The following NFIB variants were observed in gnomAD, a reference collection of about 807,000 sequenced individuals.
The protein encoded by NFIB is nuclear factor I B.
NFIB carries 11 observed loss-of-function variants against 61.5 expected under a neutral mutation model. That is an observed-to-expected ratio of 0.18 (90% confidence interval 0.11 to 0.30). The LOEUF (loss-of-function observed/expected upper bound fraction) is 0.30. NFIB is among the 10% of genes least tolerant of loss of function. The pLI, the probability that NFIB is intolerant of heterozygous loss-of-function variation, is 1.00. For synonymous variants in NFIB, 260 were observed against 216.5 expected, an observed-to-expected ratio of 1.20 and a Z score of -1.76; for missense variants, 471 against 608.9, an observed-to-expected ratio of 0.77 and a Z score of 2.38.
At chr9:14,317,359 G>C (rs979922012), upstream of NFIB, 2 of 152,286 alleles carry the variant, frequency 1.3e-5, no homozygotes, top group Non-Finnish European at 2.9e-5. Context: ...AGACCCCAGA[G>C]AAGTGAAGAC....
intron 1 of NFIB, among the ~76,000 whole-genome samples, chr9:14,342,114 A>G (rs1019271099): frequency 2.0e-5 from 3 of 152,142 alleles, no homozygotes; most frequent in African/African-American, 7.2e-5. Context: ...CCGAGAGCAA[A>G]AGCTCTCTGG....
At chr9:14,332,161 C>G (rs1182415205) in intron 1 of NFIB, among the ~76,000 whole-genome samples, 1 of 151,726 alleles carries the variant, frequency 6.6e-6, no homozygotes, top group Non-Finnish European at 1.5e-5. Flanking sequence ...GGTGAAACCC[C>G]GTCTCTACTA....
At chr9:14,217,187 A>C (rs1343528303) in intron 2 of NFIB, among the ~76,000 whole-genome samples, 1 of 152,200 alleles carries the variant, frequency 6.6e-6, no homozygotes, top group Non-Finnish European at 1.5e-5. Context: ...CCAGATAATA[A>C]CTTTTTCCCA....
chr9:14,309,533 G>C (rs965493074), intron 1 of NFIB, among the ~76,000 whole-genome samples: 2 of 152,166 alleles, frequency 1.3e-5, no homozygotes, highest in African/African-American at 4.8e-5. Flanking sequence ...GCAGAGATTT[G>C]AACAATTCAG....
intron 2 of NFIB, among the ~76,000 whole-genome samples, chr9:14,191,519 G>A (rs2047946624): frequency 6.6e-6 from 1 of 152,040 alleles, no homozygotes; most frequent in South Asian, 2.1e-4. Context: ...CTGGTGCAGA[G>A]CTATGTACCA....
At chr9:14,314,766 T>A (rs2132771981), upstream of NFIB, among the ~76,000 whole-genome samples, 1 of 131,270 alleles carries the variant, frequency 7.6e-6, no homozygotes, top group East Asian at 2.5e-4. Context: ...GTTAAAGGTA[T>A]CCTACCGGTG....
At chr9:14,395,041 GT>G (rs1217458871) in intron 1 of NFIB, among the ~76,000 whole-genome samples, 1 of 152,120 alleles carries the variant, frequency 6.6e-6, no homozygotes, top group African/African-American at 2.4e-5. Flanking sequence ...GGTAGGACCA[GT>G]TTTTTCTCTT....
intron 3 of NFIB, among the ~76,000 whole-genome samples, chr9:14,165,095 A>G (rs1389098980): frequency 6.6e-6 from 1 of 152,146 alleles, no homozygotes; most frequent in Non-Finnish European, 1.5e-5. Context: ...AAAATTTGAC[A>G]ATCCTAGAAC....
the NFIB span, among the ~76,000 whole-genome samples, chr9:14,462,350 T>C: frequency 3.4e-4 from 52 of 152,136 alleles, no homozygotes; most frequent in African/African-American, 1.2e-3. Flanking sequence ...TGGCGCGATC[T>C]TGGCTCACTG....
intron 1 of NFIB, among the ~76,000 whole-genome samples, chr9:14,355,820 G>T (rs2061169645): frequency 6.6e-6 from 1 of 152,130 alleles, no homozygotes; most frequent in African/African-American, 2.4e-5. Flanking sequence ...AGCCAGTCGT[G>T]GTGGCGGGTG....
chr9:14,376,414 G>A (rs2061420383), intron 1 of NFIB, among the ~76,000 whole-genome samples: 1 of 152,088 alleles, frequency 6.6e-6, no homozygotes, highest in South Asian at 2.1e-4. Flanking sequence ...TTCCTGCAGG[G>A]ATGACCACTG....
intron 1 of NFIB, among the ~76,000 whole-genome samples, chr9:14,381,470 T>G (rs2061488790): frequency 6.6e-6 from 1 of 152,160 alleles, no homozygotes; most frequent in Non-Finnish European, 1.5e-5. Context: ...GGATTACAGG[T>G]GTGAGCCACC....
intron 2 of NFIB, among the ~76,000 whole-genome samples, chr9:14,199,896 G>C (rs1484728732): frequency 6.6e-6 from 1 of 152,128 alleles, no homozygotes; most frequent in East Asian, 1.9e-4. Flanking sequence ...TATTTGCTAA[G>C]GTATTTCTGT....
intron 2 of NFIB, among the ~76,000 whole-genome samples, chr9:14,183,404 A>C (rs1007689731): frequency 6.7e-6 from 1 of 150,132 alleles, no homozygotes; most frequent in Admixed American, 6.6e-5. Context: ...TGGGAAAAAA[A>C]ATTTTTTTTT....
chr9:14,307,557 A>C lies in NFIB; in HGVS notation c.31-37T>G. ...AGAGGGGTGAGGAAAAGATGTGCAT[A>C]GTCAGTTTAATTTTAAAAGCTCAAA... is the stretch of plus-strand genomic sequence containing the variant. On this transcript the variant is annotated intron_variant, in intron 1 of 10. Coordinates refer to ENST00000380953, the MANE Select transcript of NFIB (RefSeq NM_001190737.2). This position sits in a 1 kb window ranked among gnomAD's most constrained non-coding sequence, Gnocchi z 5.3. 6.6e-7 allele frequency: 1 copy of C among 1,508,466 alleles called. No homozygotes were observed. The highest frequency in any genetic ancestry group is 8.9e-7 in the Non-Finnish European group (1 of 1,129,356). 93.4% of individuals were successfully genotyped at this position (1,508,466 alleles called of 1,614,324 possible).
the NFIB span, among the ~76,000 whole-genome samples, chr9:14,513,226 C>T: frequency 8.5e-3 from 1,293 of 152,208 alleles, 6 homozygotes; most frequent in Non-Finnish European, 0.012. Context: ...TCTTCTAGCT[C>T]ATTAATTTCT....
chr9:14,419,287 T>TAA, the NFIB span, among the ~76,000 whole-genome samples: 5,628 of 127,014 alleles, frequency 0.044, 152 homozygotes, highest in Middle Eastern at 0.08. Flanking sequence ...GCAGCACTGT[T>TAA]AAAAAAAAAA....
intron 2 of NFIB, among the ~76,000 whole-genome samples, chr9:14,184,883 T>C (rs887715798): frequency 1.3e-5 from 2 of 151,914 alleles, no homozygotes; most frequent in Non-Finnish European, 2.9e-5. Flanking sequence ...AGTAGCCAGG[T>C]GCGGTGGCAC....
chr9:14,492,940 C>CTTCATATTCCTACTGTTT, the NFIB span, among the ~76,000 whole-genome samples: 2 of 152,200 alleles, frequency 1.3e-5, no homozygotes, highest in Non-Finnish European at 1.5e-5. Context: ...CCTCTCTGAG[C>CTTCATATTCCTACTGTTT]TTCATATTCC....
Sources: gnomAD v4.1 joint callset for allele counts (sites outside exome capture counted in the v4.1 genomes callset) on GRCh38, gnomAD v4.1.1 for gene constraint, Gnocchi (gnomAD v3.1) non-coding constraint, MANE v1.5 for transcripts, NCBI Gene and HGNC (gene_info 2026-07-23, HGNC 2026-07-21) for gene names.